USHBP1: variants seen among roughly 807,000 people sequenced by gnomAD.
USHBP1 encodes USH1 protein network component harmonin binding protein 1, also known as harmonin-binding protein USHBP1.
Under a neutral mutation model 76.2 loss-of-function variants are expected in USHBP1, and 67 were observed. The ratio of observed to expected loss-of-function variants is 0.88; its 90% CI spans 0.72 to 1.08. The LOEUF (loss-of-function observed/expected upper bound fraction) is 1.08. USHBP1 is among the 50% of genes least tolerant of loss of function. The pLI is 0.00. For synonymous variants in USHBP1, 322 were observed against 362.2 expected, an observed-to-expected ratio of 0.89 and a Z score of 1.26; for missense variants, 931 against 915.0, an observed-to-expected ratio of 1.02 and a Z score of -0.23.
rs10469471 is a variant in USHBP1, at chr19:17,251,717, A to T, written c.1800-13T>A. 1.2e-6 allele frequency: 2 copies of T among 1,611,692 alleles called. No homozygotes were observed. The highest frequency in any genetic ancestry group is 1.7e-6 in the Non-Finnish European group (2 of 1,179,902). ...CAGGTCCAGTGTCCTGTTGCGAAGG[A>T]GAAGAGAGGGGGCTCACAGCCCCAG... On this transcript the variant is annotated splice_polypyrimidine_tract_variant and intron_variant, in intron 11 of 12. Transcript: ENST00000252597.
chr19:17,263,866 A>G (rs955666592), intron 3 of USHBP1, 136 bp downstream of exon 3: 4 of 1,251,866 alleles, frequency 3.2e-6, no homozygotes, highest in African/African-American at 1.5e-5. Context: ...GCAAGACTCA[A>G]AAAAAAAAGA....
At chr19:17,258,090 A>T (rs1043484297) in intron 8 of USHBP1, 122 bp downstream of exon 8, 7 of 1,396,720 alleles carry the variant, frequency 5.0e-6, no homozygotes, top group Non-Finnish European at 6.9e-6. Flanking sequence ...AGTGAGCTCC[A>T]TACCGACCTT....
intron 9 of USHBP1, 65 bp downstream of exon 9, chr19:17,256,406 C>T (rs1195948084): frequency 1.3e-5 from 20 of 1,592,500 alleles, no homozygotes; most frequent in East Asian, 4.5e-5. Flanking sequence ...CTTGGTCCCC[C>T]GACCTCAGTA....
intron 5 of USHBP1, 33 bp from the exon 6 acceptor site, chr19:17,259,765 T>C (rs371085549): frequency 4.4e-6 from 7 of 1,588,874 alleles, no homozygotes; most frequent in African/African-American, 2.7e-5. Context: ...CTGACCCCAA[T>C]TGTCACCAAG....
intron 8 of USHBP1, among the ~76,000 whole-genome samples, chr19:17,257,642 CAAA>C (rs778148447): frequency 7.6e-5 from 3 of 39,574 alleles, no homozygotes; most frequent in Admixed American, 2.7e-4. Flanking sequence ...AACTCTGTCT[CAAA>C]AAAAAAAAAA....
In USHBP1 at chr19:17,259,436, C is replaced by T; in HGVS notation, c.906-7G>A. 1.9e-6 allele frequency: 3 copies of T among 1,613,998 alleles called. No individual in the cohort carries two copies. The highest frequency in any genetic ancestry group is 2.5e-6 in the Non-Finnish European group (3 of 1,179,986). On this transcript the variant is annotated splice_region_variant and splice_polypyrimidine_tract_variant and intron_variant, in intron 6 of 12. Transcript: ENST00000252597. ...TTTGAGCTTCTCAATGCTCCTGTTC[C>T]CGAAGGTGGGGAAGAGGGAAAGTCA...
intron 4 of USHBP1, among the ~76,000 whole-genome samples, chr19:17,262,147 T>C (rs564092140): frequency 6.6e-6 from 1 of 151,968 alleles, no homozygotes; most frequent in Non-Finnish European, 1.5e-5. Context: ...ATTACAGGCC[T>C]ATGCCACCGC....
chr19:17,253,579 G>A (rs1416432996), intron 10 of USHBP1, among the ~76,000 whole-genome samples: 3 of 146,860 alleles, frequency 2.0e-5, no homozygotes, highest in Non-Finnish European at 4.5e-5. Context: ...GTGAGCCACC[G>A]TGCCTGGCCA....
chr19:17,258,202 A>AG lies in USHBP1; in HGVS notation c.1220+9dup, dbSNP rs763050648. The AG allele has an allele frequency of 9.9e-6, 16 of 1,613,098 alleles. No individual in the cohort carries two copies. The East Asian group carries it at 1.8e-4, about 18-fold the overall frequency. On this transcript the variant is annotated intron_variant, in intron 8 of 12. Transcript: ENST00000252597. ...CAACCAGGCCAGTTCCCAGGGTTCC[A>AG]GGGGGGTACCTTGGCTGTGGATTCT... is the stretch of plus-strand genomic sequence containing the variant.
At position 17,250,581 on chromosome 19, in the gene USHBP1, G is replaced by A. The variant is rs113278427; in HGVS notation, c.1923-167C>T. Among the ~76,000 whole-genome samples, 462 of 152,164 alleles carry A rather than the reference G, an allele frequency of 3.0e-3. 4 individuals carry two copies. Among genetic ancestry groups the A allele is most frequent in the African/African-American group, 4.7e-3 (196 of 41,514 alleles). The stretch of plus-strand genomic sequence containing the variant: ...TTGTTGTTGTTTGAGACAGAATTTC[G>A]CGCTTGTCACCCAGGCTGGAGTGCA... On this transcript the variant is annotated intron_variant, in intron 12 of 12. Transcript: ENST00000252597.
intron 12 of USHBP1, among the ~76,000 whole-genome samples, chr19:17,251,230 T>G (rs915733006): frequency 1.3e-5 from 2 of 149,868 alleles, no homozygotes; most frequent in African/African-American, 4.9e-5. Context: ...AGTGCAGTGG[T>G]GTGATCTCTG....
chr19:17,257,835 G>C (rs2073638849), intron 8 of USHBP1, among the ~76,000 whole-genome samples: 1 of 152,018 alleles, frequency 6.6e-6, no homozygotes, highest in Non-Finnish European at 1.5e-5. Flanking sequence ...TTTTGGTAGA[G>C]AAGGACTTTC....
intron 7 of USHBP1, 182 bp from the exon 8 acceptor site, chr19:17,258,567 G>T: frequency 1.7e-6 from 1 of 601,430 alleles, no homozygotes; most frequent in South Asian, 2.0e-5. Flanking sequence ...AGATTAGCAA[G>T]GTGTGGTGGT....
chr19:17,259,639 G>C lies in USHBP1; in HGVS notation c.862C>G (p.Pro288Ala). The C allele has an allele frequency of 6.2e-7, 1 of 1,614,062 alleles. No individual in the cohort carries two copies. The highest frequency in any genetic ancestry group is 8.5e-7 in the Non-Finnish European group (1 of 1,179,992). The change falls in exon 6 of 13, where the codon CCT (proline) becomes GCT (alanine). Residue 288 changes from proline (P) to alanine (A), a missense_variant. Transcript: ENST00000252597. ...LGSLPNQPLS[P>A]EMHIMEAQME... is the part of the protein sequence containing the mutation. ...TGGGCTTCCATGATGTGCATCTCAG[G>C]ACTGAGGGGCTGGTTGGGAAGAGAC...
chr19:17,255,550 G>T lies in USHBP1; in HGVS notation c.1527C>A (p.Gly509=). The change falls in exon 10 of 13, where the codon GGC becomes GGA. Residue 509 remains glycine (G), a synonymous_variant. Transcript: ENST00000252597. The stretch of plus-strand genomic sequence containing the variant: ...GGAGGGCAGCCTCCCGCAGCTCTAG[G>T]CCCCGCTTCTCACGCCGCACCAGCT... ...RLQLVRREKR[G]LELREAALRA... is the part of the protein sequence containing the mutation. 6.2e-7 allele frequency: 1 copy of T among 1,613,608 alleles called. No homozygotes were observed. Among genetic ancestry groups the T allele is most frequent in the African/African-American group, 1.3e-5 (1 of 75,066 alleles).
chr19:17,260,937 A>G (rs1303818567), intron 4 of USHBP1, among the ~76,000 whole-genome samples: 1 of 152,046 alleles, frequency 6.6e-6, no homozygotes, highest in Non-Finnish European at 1.5e-5. Context: ...ATCACCCAGA[A>G]TCCGTCCGCA....
Position 17,262,548 on chromosome 19 carries a change from T to G in USHBP1, c.642+4A>C. 1 of 1,599,038 alleles carries G rather than the reference T, an allele frequency of 6.3e-7. No individual in the cohort carries two copies. Among genetic ancestry groups the G allele is most frequent in the South Asian group, 1.1e-5 (1 of 90,422 alleles). ...CACATGGGACTCAGGATGGCCCCAC[T>G]CACCTCTTTCTGCAGCGTCTCCTTC... On this transcript the variant is annotated splice_donor_region_variant and intron_variant, in intron 4 of 12. Coordinates refer to ENST00000252597, the MANE Select transcript of USHBP1 (RefSeq NM_031941.4).
In USHBP1 at chr19:17,258,507, G is replaced by A. The variant is rs2073649085; in HGVS notation, c.1047-122C>T. The A allele has an allele frequency of 1.8e-5, 20 of 1,106,410 alleles. No individual in the cohort carries two copies. In the South Asian group the frequency reaches 1.8e-4, roughly 10 times the overall value. 68.5% of individuals were successfully genotyped at this position (1,106,410 alleles called of 1,614,324 possible). A position where few individuals can be genotyped will look rare whatever the true frequency, so the allele number is the denominator to read the frequency against. On this transcript the variant is annotated intron_variant, in intron 7 of 12. Transcript: ENST00000252597. ...GAGGATTACCTGAGGTCAGGAGTTCGAGACCAGCCTGACCAACATGGTGAA... is the reference window on the plus strand; with the variant it reads ...GAGGATTACCTGAGGTCAGGAGTTCAAGACCAGCCTGACCAACATGGTGAA...
chr19:17,257,620 C>T (rs1487172575), intron 8 of USHBP1, among the ~76,000 whole-genome samples: 14 of 128,368 alleles, frequency 1.1e-4, no homozygotes, highest in Admixed American at 3.6e-4. Context: ...CTAGCCTGGG[C>T]GACAAAAGTG....
Sources: allele counts gnomAD v4.1 joint callset (sites outside exome capture counted in the v4.1 genomes callset), GRCh38; gene constraint gnomAD v4.1.1; transcripts MANE v1.5; gene names NCBI Gene and HGNC (gene_info 2026-07-23, HGNC 2026-07-21).